EXOC3L4: variants seen among roughly 807,000 people sequenced by gnomAD.
EXOC3L4 encodes the protein exocyst complex component 3 like 4.
A neutral mutation model predicts 69.7 loss-of-function variants in EXOC3L4; 62 were observed. The ratio of observed to expected loss-of-function variants is 0.89; its 90% confidence interval spans 0.72 to 1.10. EXOC3L4 has a LOEUF of 1.10. Among genes scored for constraint, EXOC3L4 ranks in the 50% least tolerant of loss-of-function variants. The probability of loss-of-function intolerance (pLI) is 0.00; values close to 1 mark genes in which losing one functional copy is unlikely to be tolerated. For synonymous variants in EXOC3L4, 502 were observed against 464.2 expected (o/e 1.08, Z -1.05); for missense variants, 1,087 against 1,034.8 (o/e 1.05, Z -0.69).
chr14:103,105,012 C>T lies in EXOC3L4; in HGVS notation c.1406C>T (p.Ala469Val). 1 of 1,612,494 alleles carries T rather than the reference C, an allele frequency of 6.2e-7. No homozygotes were observed. Among genetic ancestry groups the T allele is most frequent in the East Asian group, 2.2e-5 (1 of 44,812 alleles). Residue 469 changes from alanine (A) to valine (V), a missense_variant, in exon 7 of 12, where the codon GCG becomes GTG. Transcript: ENST00000688303. ...CCCAGGTTTGAAAAGGCTTTTCTGG[C>T]GTCGGAGGCGGTGAGCGAGCCGCAC... Reference protein sequence around the residue: ...FVPRFEKAFLASEAVSEPHLG... With the variant: ...FVPRFEKAFLVSEAVSEPHLG...
chr14:103,103,793 C>CGA (rs775120339), intron 3 of EXOC3L4, 148 bp from the exon 4 acceptor site: 1 of 432,456 alleles, frequency 2.3e-6, no homozygotes, highest in Non-Finnish European at 4.0e-6. Context: ...TAGAGGCGCG[C>CGA]GCGCGTGTGT....
intron 10 of EXOC3L4, 126 bp downstream of exon 10, chr14:103,107,909 A>T: frequency 7.5e-6 from 9 of 1,202,298 alleles, no homozygotes; most frequent in Non-Finnish European, 7.6e-6. Flanking sequence ...CAGGTGGAAC[A>T]GGGACTGGGG....
In EXOC3L4 at chr14:103,110,048, C is replaced by G. The variant is rs772963117; in HGVS notation, c.1994C>G (p.Ala665Gly). 2 of 1,597,360 alleles carry G rather than the reference C, an allele frequency of 1.3e-6. No homozygotes were observed. Among genetic ancestry groups the G allele is most frequent in the Admixed American group, 3.4e-5 (2 of 58,190 alleles). ...YPDIRRDHILAILALRRLGRQ... is the reference protein window; with the variant it reads ...YPDIRRDHILGILALRRLGRQ... ...CTCTGCAGGCGGGACCACATACTGG[C>G]CATTCTGGCGCTGCGCCGACTGGGC... Residue 665 changes from alanine to glycine, a missense_variant, in exon 12 of 12, where the codon GCC becomes GGC. Coordinates refer to ENST00000688303, the MANE Select transcript of EXOC3L4 (RefSeq NM_001077594.2).
chr14:103,103,814 G>A, intron 3 of EXOC3L4, 127 bp from the exon 4 acceptor site: 1 of 618,140 alleles, frequency 1.6e-6, no homozygotes, highest in Non-Finnish European at 2.9e-6. Flanking sequence ...GTGTGTGTGT[G>A]TGTGTGTGTG....
chr14:103,096,839 T>C (rs1318754951), intron 1 of EXOC3L4, among the ~76,000 whole-genome samples: 1 of 152,222 alleles, frequency 6.6e-6, no homozygotes, highest in East Asian at 1.9e-4. Context: ...GAGGCAGCAT[T>C]GAGGGGGCCT....
In EXOC3L4 at chr14:103,100,441, C is replaced by A; in HGVS notation, c.222C>A (p.Gly74=). The change falls in exon 2 of 12, where the codon GGC becomes GGA. Residue 74 remains glycine (G), a synonymous_variant. Transcript: ENST00000688303. The part of the protein sequence containing the change: ...ALTQVSKEDT[G]LFRRSSCSLF... ...CCCAGGTCTCCAAGGAAGATACGGG[C>A]CTGTTCCGGCGAAGCTCCTGCTCCC... 4.3e-6 allele frequency: 7 copies of A among 1,613,412 alleles called. No homozygotes were observed. Among genetic ancestry groups the A allele is most frequent in the Non-Finnish European group, 5.9e-6 (7 of 1,179,930 alleles).
chr14:103,110,018 C>A lies in EXOC3L4; in HGVS notation c.1977-13C>A. 2 of 1,581,212 alleles carry A rather than the reference C, an allele frequency of 1.3e-6. No individual in the cohort carries two copies. The highest frequency in any genetic ancestry group is 1.7e-6 in the Non-Finnish European group (2 of 1,165,256). ...GGTGTAGGTCTGCAGTGAGTGCCCGCATGTCTCTGCAGGCGGGACCACATA... is the reference window on the plus strand; with the variant it reads ...GGTGTAGGTCTGCAGTGAGTGCCCGAATGTCTCTGCAGGCGGGACCACATA... On this transcript the variant is annotated splice_polypyrimidine_tract_variant and intron_variant, in intron 11 of 11. Coordinates refer to ENST00000688303, the MANE Select transcript of EXOC3L4 (RefSeq NM_001077594.2).
At position 103,104,373 on chromosome 14, in the gene EXOC3L4, C is replaced by T. The variant is rs772848502; in HGVS notation, c.1268C>T (p.Ser423Phe). The change falls in exon 5 of 12, where the codon TCC becomes TTC. Residue 423 changes from serine to phenylalanine, a missense_variant. By Grantham distance (155) the Ser-to-Phe change is radical (BLOSUM62 -2). Coordinates refer to ENST00000688303, the MANE Select transcript of EXOC3L4 (RefSeq NM_001077594.2). ...VLQGLYQAPL[S>F]MDVHMLVAEH... ...CAGGGCCTCTACCAGGCGCCGCTGT[C>T]CATGGACGTCCATATGGTGCGGCCC... is the stretch of plus-strand genomic sequence containing the variant. The T allele has an allele frequency of 2.6e-5, 41 of 1,581,422 alleles. No individual in the cohort carries two copies. Among genetic ancestry groups the T allele is most frequent in the Non-Finnish European group, 3.5e-5 (41 of 1,165,208 alleles).
rs1374780712 is a variant in EXOC3L4, at chr14:103,102,709, G to A, written c.986G>A (p.Arg329His). ...GCCCAGCGCCTCCAGGAGCTCGCGCGCGACGCCCGCGGCTGCGAGCAGCTC... is the reference window on the plus strand; with the variant it reads ...GCCCAGCGCCTCCAGGAGCTCGCGCACGACGCCCGCGGCTGCGAGCAGCTC... ...AVAQRLQELA[R>H]DARGCEQLYI... Residue 329 changes from arginine (R) to histidine (H), a missense_variant, in exon 3 of 12, where the codon CGC becomes CAC. Coordinates refer to ENST00000688303, the MANE Select transcript of EXOC3L4 (RefSeq NM_001077594.2). The A allele has an allele frequency of 6.9e-7, 1 of 1,459,798 alleles. No individual in the cohort carries two copies. The highest frequency in any genetic ancestry group is 1.3e-5 in the South Asian group (1 of 74,684). The allele number at this position is 1,459,798 out of a possible 1,614,324, so 90.4% of individuals were successfully genotyped here.
Position 103,102,404 on chromosome 14 carries a change from T to TC in EXOC3L4, c.687dup (p.Asp230ArgfsTer123), listed in dbSNP as rs1225687649. ...GCGCGGAGGAGGAAGCCCACCCTTC[T>TC]CCCCCCGACGACGGCGACTTCCTGC... On this transcript the variant is annotated frameshift_variant, in exon 3 of 12. Transcript: ENST00000688303. LOFTEE classifies it high-confidence loss of function. 2.6e-6 allele frequency: 4 copies of TC among 1,536,838 alleles called. No homozygotes were observed. The highest frequency in any genetic ancestry group is 1.4e-5 in the African/African-American group (1 of 70,788).
At position 103,107,443 on chromosome 14, in the gene EXOC3L4, G is replaced by A. The variant is rs1199531259; in HGVS notation, c.1601G>A (p.Cys534Tyr). The change falls in exon 9 of 12, where the codon TGC (cysteine) becomes TAC (tyrosine). Residue 534 changes from cysteine (C) to tyrosine (Y), a missense_variant. Transcript: ENST00000688303. ...CCCCAGCCGCTCTTCAGGGTTGTGT[G>A]CACCAGGGACTGGCTGACGCAGGAC... ...RELQPLFRVV[C>Y]TRDWLTQDWL... is the part of the protein sequence containing the mutation. 2 of 1,613,886 alleles carry A rather than the reference G, an allele frequency of 1.2e-6. No homozygotes were observed. Among genetic ancestry groups the A allele is most frequent in the Non-Finnish European group, 1.7e-6 (2 of 1,180,012 alleles).
At chr14:103,103,445 C>A (rs1890336282) in intron 3 of EXOC3L4, 1 of 157,008 alleles carries the variant, frequency 6.4e-6, no homozygotes, top group East Asian at 1.9e-4. Context: ...CAGGGTACAG[C>A]CTGCGGGGAG....
chr14:103,103,354 CAAAAAA>C (rs3070496), intron 3 of EXOC3L4, among the ~76,000 whole-genome samples: 2,996 of 94,896 alleles, frequency 0.032, 68 homozygotes, highest in Middle Eastern at 0.074. Flanking sequence ...GACTCTGTCT[CAAAAAA>C]AAAAAAAAAA....
chr14:103,099,941 G>A (rs1489772419), intron 1 of EXOC3L4, among the ~76,000 whole-genome samples: 2 of 152,320 alleles, frequency 1.3e-5, no homozygotes, highest in East Asian at 1.9e-4. Context: ...GTGACGGTGG[G>A]CACCTGCGGA....
At chr14:103,103,368 A>AAAAAAAAAAAAAG (rs1358354757) in intron 3 of EXOC3L4, among the ~76,000 whole-genome samples, 2 of 146,116 alleles carry the variant, frequency 1.4e-5, no homozygotes, top group African/African-American at 2.7e-5. Context: ...AAAAAAAAAA[A>AAAAAAAAAAAAAG]AAAGAAAGAA....
rs770174979 is a variant in EXOC3L4, at chr14:103,102,412, A to T, written c.689A>T (p.Asp230Val). The change falls in exon 3 of 12, where the codon GAC becomes GTC. Residue 230 changes from aspartate to valine, a missense_variant. Coordinates refer to ENST00000688303, the MANE Select transcript of EXOC3L4 (RefSeq NM_001077594.2). ...AEEEAHPSPP[D>V]DGDFLRTPRR... ...GAGGAAGCCCACCCTTCTCCCCCCGACGACGGCGACTTCCTGCGCACGCCG... is the reference window on the plus strand; with the variant it reads ...GAGGAAGCCCACCCTTCTCCCCCCGTCGACGGCGACTTCCTGCGCACGCCG... 3 of 1,532,972 alleles carry T rather than the reference A, an allele frequency of 2.0e-6. No homozygotes were observed. The highest frequency in any genetic ancestry group is 2.5e-5 in the East Asian group (1 of 39,374). 95.0% of individuals were successfully genotyped at this position (1,532,972 alleles called of 1,614,324 possible). A position where few individuals can be genotyped will look rare whatever the true frequency, so the allele number is the denominator to read the frequency against.
rs770174979 is a variant in EXOC3L4 at position 103,102,412 on chromosome 14, A to G, written c.689A>G (p.Asp230Gly). ...GAGGAAGCCCACCCTTCTCCCCCCG[A>G]CGACGGCGACTTCCTGCGCACGCCG... ...AEEEAHPSPP[D>G]DGDFLRTPRR... Residue 230 changes from aspartate to glycine, a missense_variant, in exon 3 of 12, where the codon GAC becomes GGC. Asp to Gly is a moderately conservative substitution (Grantham distance 94). Coordinates refer to ENST00000688303, the MANE Select transcript of EXOC3L4 (RefSeq NM_001077594.2). 66 of 1,533,076 alleles carry G rather than the reference A, an allele frequency of 4.3e-5. 1 individual carries two copies. In the Admixed American group the frequency reaches 1.2e-3, roughly 29 times the overall value. 95.0% of individuals were successfully genotyped at this position (1,533,076 alleles called of 1,614,324 possible).
intron 2 of EXOC3L4, among the ~76,000 whole-genome samples, chr14:103,101,727 G>A (rs1428508645): frequency 6.6e-6 from 1 of 152,232 alleles, no homozygotes; most frequent in South Asian, 2.1e-4. Flanking sequence ...GGAGCAGCAG[G>A]AATGTAAAGC....
chr14:103,102,905 C>G (rs1352329134), intron 3 of EXOC3L4, 133 bp downstream of exon 3: 1 of 933,022 alleles, frequency 1.1e-6, no homozygotes, highest in African/African-American at 1.7e-5. Context: ...GAGCCGAGGG[C>G]TTCGACATGC....
Sources: gnomAD v4.1 joint callset for allele counts (sites outside exome capture counted in the v4.1 genomes callset) on GRCh38, gnomAD v4.1.1 for gene constraint, MANE v1.5 for transcripts, NCBI Gene and HGNC (gene_info 2026-07-23, HGNC 2026-07-21) for gene names.